The following DSCAML1 variants were observed in gnomAD, a reference collection of about 807,000 sequenced individuals.
DSCAML1 encodes the protein cell adhesion molecule DSCAML1.
Under a neutral mutation model 200.5 loss-of-function variants are expected in DSCAML1, and 38 were observed. The observed-to-expected ratio is 0.19, with a 90% CI of 0.15 to 0.25. The LOEUF is 0.25. Ranked by LOEUF, DSCAML1 falls within the 10% of genes least tolerant of loss-of-function variation. The pLI is 1.00. For missense variants in DSCAML1, 2,223 were observed against 2,858.8 expected (o/e 0.78, Z 5.07); for synonymous variants, 1,215 against 1,165.0 (o/e 1.04, Z -0.87).
chr11:117,657,399 C>T (rs887487859), intron 3 of DSCAML1, among the ~76,000 whole-genome samples: 17 of 152,214 alleles, frequency 1.1e-4, no homozygotes, highest in African/African-American at 4.1e-4. Flanking sequence ...CCAGAGCCAC[C>T]TTCCCTGGCC....
intron 3 of DSCAML1, among the ~76,000 whole-genome samples, chr11:117,670,585 C>T (rs188425554): frequency 1.3e-5 from 2 of 152,152 alleles, no homozygotes; most frequent in East Asian, 1.9e-4. Flanking sequence ...CCAGCTGCTG[C>T]GTGAAGGCTG....
At chr11:117,637,051 A>C (rs2052302230) in intron 3 of DSCAML1, among the ~76,000 whole-genome samples, 1 of 152,072 alleles carries the variant, frequency 6.6e-6, no homozygotes, top group Non-Finnish European at 1.5e-5. Context: ...TGGCCTTTGC[A>C]CATGCTGTTC....
chr11:117,721,042 C>T (rs2054033807), intron 3 of DSCAML1, among the ~76,000 whole-genome samples: 1 of 152,172 alleles, frequency 6.6e-6, no homozygotes. Context: ...CCCCATTGTA[C>T]AGATGAGAAA....
chr11:117,670,368 T>C (rs111381985), intron 3 of DSCAML1, among the ~76,000 whole-genome samples: 19 of 152,196 alleles, frequency 1.2e-4, no homozygotes, highest in South Asian at 8.3e-4. Context: ...CACTCATTCA[T>C]TGATTCACTC....
chr11:117,526,079 C>G (rs1303958594), intron 4 of DSCAML1, among the ~76,000 whole-genome samples: 1 of 152,254 alleles, frequency 6.6e-6, no homozygotes, highest in East Asian at 1.9e-4. Context: ...GGGCAGGATT[C>G]TGTGTGCAAT....
rs12286132 is a variant in DSCAML1 at position 117,662,680 on chromosome 11, T to C, written c.511+114111A>G. On this transcript the variant is annotated intron_variant, in intron 3 of 32. Coordinates refer to ENST00000651296, the MANE Select transcript of DSCAML1 (RefSeq NM_020693.4). ...ACAGTATTCAATTACACAGGGACAT[T>C]GGTTTTCAGGTAGGTGTAGAGGCTT... Among the ~76,000 whole-genome samples the C allele has an allele frequency of 4.5e-3, 689 of 152,344 alleles. 4 individuals are homozygous for C. The highest frequency in any genetic ancestry group is 0.016 in the African/African-American group (646 of 41,582).
chr11:117,800,817 T>C (rs1052868306), upstream of DSCAML1: 16 of 152,220 alleles, frequency 1.1e-4, no homozygotes, highest in African/African-American at 3.6e-4. Flanking sequence ...TATTTTGCCA[T>C]GTTATATTAA....
chr11:117,781,515 C>T (rs895180234), intron 1 of DSCAML1, among the ~76,000 whole-genome samples: 6 of 152,098 alleles, frequency 3.9e-5, no homozygotes, highest in African/African-American at 1.2e-4. Context: ...CTGGGATGCT[C>T]GCCTGGAATG....
intron 3 of DSCAML1, among the ~76,000 whole-genome samples, chr11:117,541,641 G>T (rs2050270536): frequency 6.6e-6 from 1 of 152,208 alleles, no homozygotes; most frequent in Non-Finnish European, 1.5e-5. Flanking sequence ...AAGCAAGATG[G>T]ATGGTTTGGA....
intron 16 of DSCAML1, among the ~76,000 whole-genome samples, chr11:117,467,487 A>G (rs2048607335): frequency 6.6e-6 from 1 of 152,194 alleles, no homozygotes; most frequent in Non-Finnish European, 1.5e-5. Flanking sequence ...AAAAACAATT[A>G]AGTTAGTAAA....
chr11:117,559,296 G>A (rs1164076253), intron 3 of DSCAML1, among the ~76,000 whole-genome samples: 3 of 152,134 alleles, frequency 2.0e-5, no homozygotes, highest in African/African-American at 7.2e-5. Context: ...CCCTTCCTGA[G>A]GGGACTGGGG....
intron 21 of DSCAML1, 36 bp downstream of exon 21, chr11:117,443,850 G>A (rs541570230): frequency 6.5e-7 from 1 of 1,545,340 alleles, no homozygotes; most frequent in African/African-American, 1.4e-5. Flanking sequence ...GCTTTTGGAA[G>A]TGTTTGCCCC....
intron 21 of DSCAML1, among the ~76,000 whole-genome samples, 185 bp from the exon 22 acceptor site, chr11:117,440,121 T>A (rs1329271548): frequency 6.6e-6 from 1 of 152,120 alleles, no homozygotes. Context: ...TCAAGAAACA[T>A]TGATGAAATA....
chr11:117,567,902 C>T (rs1254674126), intron 3 of DSCAML1, among the ~76,000 whole-genome samples: 3 of 151,954 alleles, frequency 2.0e-5, no homozygotes, highest in Non-Finnish European at 2.9e-5. Flanking sequence ...ATACCAAAGC[C>T]GGGCAGAGAC....
intron 3 of DSCAML1, among the ~76,000 whole-genome samples, chr11:117,552,299 C>A (rs2050482702): frequency 1.3e-5 from 2 of 151,980 alleles, no homozygotes; most frequent in South Asian, 4.2e-4. Flanking sequence ...GACCTAATCT[C>A]ATCTTGTTGC....
chr11:117,607,708 T>A (rs1316319610), intron 3 of DSCAML1, among the ~76,000 whole-genome samples: 2 of 151,970 alleles, frequency 1.3e-5, no homozygotes, highest in Non-Finnish European at 2.9e-5. Flanking sequence ...AGACTTTGAG[T>A]CACACCAGAC....
intron 3 of DSCAML1, among the ~76,000 whole-genome samples, chr11:117,773,747 C>G (rs1445147831): frequency 6.6e-6 from 1 of 152,150 alleles, no homozygotes; most frequent in African/African-American, 2.4e-5. Flanking sequence ...CTCATGGAGT[C>G]CTCCATGATC....
upstream of DSCAML1, chr11:117,800,974 C>A (rs1329488926): frequency 1.3e-5 from 2 of 152,128 alleles, no homozygotes; most frequent in Non-Finnish European, 2.9e-5. Context: ...TCTTTGACAA[C>A]TTGAGTATAA....
intron 3 of DSCAML1, among the ~76,000 whole-genome samples, chr11:117,660,097 C>T (rs1284737505): frequency 1.3e-5 from 2 of 152,152 alleles, no homozygotes; most frequent in African/African-American, 2.4e-5. Context: ...TCCATTTCTT[C>T]CTCTCTCTCC....
Sources: allele counts gnomAD v4.1 joint callset (sites outside exome capture counted in the v4.1 genomes callset), GRCh38; gene constraint gnomAD v4.1.1; transcripts MANE v1.5; gene names NCBI Gene and HGNC (gene_info 2026-07-23, HGNC 2026-07-21).